GAL3ST2: variants seen among roughly 807,000 people sequenced by gnomAD.
GAL3ST2 encodes the protein galactose-3-O-sulfotransferase 2, also known as beta-galactose-3-O-sulfotransferase 2.
In GAL3ST2, 16 loss-of-function variants were observed where a neutral mutation model predicts 12.9. The ratio of observed to expected loss-of-function variants is 1.24; its 90% confidence interval spans 0.84 to 1.88. The LOEUF (loss-of-function observed/expected upper bound fraction) is 1.88, where lower values mean the gene tolerates loss of function less well. Ranked by LOEUF, GAL3ST2 falls within the 40% of genes most tolerant of loss-of-function variation. The pLI is 0.00. For missense variants in GAL3ST2, 639 were observed against 571.8 expected, an observed-to-expected ratio of 1.12 and a Z score of -1.20; for synonymous variants, 302 against 273.9, an observed-to-expected ratio of 1.10 and a Z score of -1.01.
Position 241,801,892 on chromosome 2 carries a change from C to G in GAL3ST2, c.231C>G (p.Thr77=). The G allele has an allele frequency of 6.2e-7, 1 of 1,613,030 alleles. No homozygotes were observed. Among genetic ancestry groups the G allele is most frequent in the Non-Finnish European group, 8.5e-7 (1 of 1,179,950 alleles). Residue 77 remains threonine, a synonymous_variant, in exon 3 of 4, where the codon ACC becomes ACG. Transcript: ENST00000192314. This position sits in a 1 kb window ranked among gnomAD's most constrained non-coding sequence, Gnocchi z 4.4. ...ACATCCTCTACCGCTTCGCCGAGACCCACAACCTGTCCGTGGCGCTGCCCG... is the reference window on the plus strand; with the variant it reads ...ACATCCTCTACCGCTTCGCCGAGACGCACAACCTGTCCGTGGCGCTGCCCG... ...VLNILYRFAE[T]HNLSVALPAG... is the part of the protein sequence containing the mutation.
Position 241,802,344 on chromosome 2 carries a change from T to C in GAL3ST2, c.375+308T>C, listed in dbSNP as rs1699864146. Among the ~76,000 whole-genome samples, 1 of 152,174 alleles carries C rather than the reference T, an allele frequency of 6.6e-6. No homozygotes were observed. The highest frequency in any genetic ancestry group is 6.5e-5 in the Admixed American group (1 of 15,284). On this transcript the variant is annotated intron_variant, in intron 3 of 3. Coordinates refer to ENST00000192314, the MANE Select transcript of GAL3ST2 (RefSeq NM_022134.3). The surrounding 1 kb of genome is among the most constrained non-coding windows in gnomAD (Gnocchi z 4.8). ...TGCACAGGCCCGGCTCTCCCCACCCTGTGACCTTCGCTTCTGTGGCTGCAG... is the reference window on the plus strand; with the variant it reads ...TGCACAGGCCCGGCTCTCCCCACCCCGTGACCTTCGCTTCTGTGGCTGCAG...
At chr2:241,790,711 G>A (rs1317162178) in intron 1 of GAL3ST2, among the ~76,000 whole-genome samples, 1 of 152,092 alleles carries the variant, frequency 6.6e-6, no homozygotes, top group East Asian at 1.9e-4. Flanking sequence ...GTCTCTTGTG[G>A]GAAAAATCCA....
chr2:241,781,878 A>T (rs1699571718), intron 1 of GAL3ST2, among the ~76,000 whole-genome samples: 1 of 151,482 alleles, frequency 6.6e-6, no homozygotes, highest in South Asian at 2.1e-4. Flanking sequence ...AAAACACTTT[A>T]TATCACAAAA....
chr2:241,784,459 G>A (rs767114506), intron 1 of GAL3ST2, among the ~76,000 whole-genome samples: 30 of 152,160 alleles, frequency 2.0e-4, no homozygotes, highest in Non-Finnish European at 3.2e-4. Context: ...GTAGGAAATT[G>A]CTTGATTAAC....
Position 241,802,154 on chromosome 2 carries a change from A to C in GAL3ST2, c.375+118A>C. 3 of 1,189,858 alleles carry C rather than the reference A, an allele frequency of 2.5e-6. No individual in the cohort carries two copies. The highest frequency in any genetic ancestry group is 3.5e-6 in the Non-Finnish European group (3 of 866,514). 73.7% of individuals were successfully genotyped at this position (1,189,858 alleles called of 1,614,324 possible). A position where few individuals can be genotyped will look rare whatever the true frequency, so the allele number is the denominator to read the frequency against. ...TGTAAGGCTTGGGGGCGGGGCGTGC[A>C]GAAGGCGGGTTGGGAGGGCCTGGGC... On this transcript the variant is annotated intron_variant, in intron 3 of 3. Coordinates refer to ENST00000192314, the MANE Select transcript of GAL3ST2 (RefSeq NM_022134.3). This position sits in a 1 kb window ranked among gnomAD's most constrained non-coding sequence, Gnocchi z 4.8.
intron 1 of GAL3ST2, among the ~76,000 whole-genome samples, chr2:241,783,254 T>A (rs1015985889): frequency 6.6e-6 from 1 of 152,204 alleles, no homozygotes; most frequent in African/African-American, 2.4e-5. Context: ...TTTGTTTTTT[T>A]AAATATAATT....
chr2:241,780,172 T>G (rs1168410878), intron 1 of GAL3ST2, among the ~76,000 whole-genome samples: 1 of 152,100 alleles, frequency 6.6e-6, no homozygotes. Flanking sequence ...TAGTAAAAAT[T>G]GAAAAACATT....
rs1286182446 is a variant in GAL3ST2 at position 241,795,750 on chromosome 2, C to T, written c.30-3315C>T. 6.6e-6 allele frequency among the ~76,000 whole-genome samples: 1 copy of T among 152,264 alleles called. No homozygotes were observed. Among genetic ancestry groups the T allele is most frequent in the African/African-American group, 2.4e-5 (1 of 41,464 alleles). ...GGGTTTGGGAAAACATGTCCTCTCT[C>T]ACGAAGACGTGGGTGTCTCCAGCGG... On this transcript the variant is annotated intron_variant, in intron 1 of 3. Transcript: ENST00000192314. The surrounding 1 kb of genome is among the most constrained non-coding windows in gnomAD (Gnocchi z 4.5).
intron 1 of GAL3ST2, among the ~76,000 whole-genome samples, chr2:241,787,586 G>A (rs1465087718): frequency 6.7e-6 from 1 of 150,010 alleles, no homozygotes; most frequent in Non-Finnish European, 1.5e-5. Context: ...AACAAGGAGG[G>A]CCAGTTCTAC....
chr2:241,804,241 C>T lies in GAL3ST2; in HGVS notation c.*75C>T. 1 of 1,249,900 alleles carries T rather than the reference C, an allele frequency of 8.0e-7. No individual in the cohort carries two copies. Among genetic ancestry groups the T allele is most frequent in the Non-Finnish European group, 1.0e-6 (1 of 954,334 alleles). The allele number at this position is 1,249,900 out of a possible 1,614,324, so 77.4% of individuals were successfully genotyped here. On this transcript the variant is annotated 3_prime_UTR_variant, in exon 4 of 4. Transcript: ENST00000192314. The stretch of plus-strand genomic sequence containing the variant: ...CGCCGTCACCGGGGAGGCCGGGGAT[C>T]CTTGCAGGGCTTCTGGGGCGTTGGG...
chr2:241,785,857 TAC>T (rs142153611), intron 1 of GAL3ST2, among the ~76,000 whole-genome samples: 3,210 of 149,592 alleles, frequency 0.021, 177 homozygotes, highest in Admixed American at 0.11. Context: ...GCCTTTTAAA[TAC>T]ACACACACAC....
intron 2 of GAL3ST2, 81 bp downstream of exon 2, chr2:241,799,235 T>C: frequency 3.2e-6 from 4 of 1,239,958 alleles, no homozygotes; most frequent in Non-Finnish European, 4.7e-6. Flanking sequence ...CCCAGCATGA[T>C]CACGCCCCCC....
chr2:241,780,026 T>C (rs1699547535), intron 1 of GAL3ST2, among the ~76,000 whole-genome samples: 1 of 151,444 alleles, frequency 6.6e-6, no homozygotes, highest in South Asian at 2.1e-4. Context: ...AATAGATTGC[T>C]GTTATTTTCT....
chr2:241,799,208 A>G, intron 2 of GAL3ST2, 54 bp downstream of exon 2: 2 of 1,480,250 alleles, frequency 1.4e-6, no homozygotes, highest in South Asian at 2.3e-5. Flanking sequence ...AACAGCCCCG[A>G]GGACAGAGCC....
intron 1 of GAL3ST2, among the ~76,000 whole-genome samples, chr2:241,792,014 CTT>C (rs765348346): frequency 7.5e-6 from 1 of 133,944 alleles, no homozygotes. Context: ...TTCTTTCTTT[CTT>C]TTTTTTTTTT....
rs938549627 is a variant in GAL3ST2 at position 241,802,323 on chromosome 2, C to T, written c.375+287C>T. Reference sequence around the variant, plus strand: ...GCTTCTCTGGCCTCCTAGTTGTGCACAGGCCCGGCTCTCCCCACCCTGTGA... The same window carrying T: ...GCTTCTCTGGCCTCCTAGTTGTGCATAGGCCCGGCTCTCCCCACCCTGTGA... On this transcript the variant is annotated intron_variant, in intron 3 of 3. Coordinates refer to ENST00000192314, the MANE Select transcript of GAL3ST2 (RefSeq NM_022134.3). This position sits in a 1 kb window ranked among gnomAD's most constrained non-coding sequence, Gnocchi z 4.8. Among the ~76,000 whole-genome samples the T allele has an allele frequency of 1.3e-5, 2 of 152,240 alleles. No homozygotes were observed. The highest frequency in any genetic ancestry group is 3.8e-4 in the East Asian group (2 of 5,202).
At position 241,795,281 on chromosome 2, in the gene GAL3ST2, C is replaced by T. The variant is rs112287751; in HGVS notation, c.30-3784C>T. 2.0e-5 allele frequency among the ~76,000 whole-genome samples: 3 copies of T among 152,140 alleles called. No homozygotes were observed. Among genetic ancestry groups the T allele is most frequent in the South Asian group, 2.1e-4 (1 of 4,826 alleles). On this transcript the variant is annotated intron_variant, in intron 1 of 3. Coordinates refer to ENST00000192314, the MANE Select transcript of GAL3ST2 (RefSeq NM_022134.3). This position sits in a 1 kb window ranked among gnomAD's most constrained non-coding sequence, Gnocchi z 4.5. The stretch of plus-strand genomic sequence containing the variant: ...GGTCTTTTGGCAAAAGGGAAGAGCC[C>T]GCCTTGAGAAGGCTGTAGCATTTCT...
chr2:241,803,658 T>G lies in GAL3ST2; in HGVS notation c.689T>G (p.Leu230Arg). ...CGGCTGGTGCTCATCGCCGAGCACCTGGACGAGTCCCTGGTGCTGCTGCGG... is the reference window on the plus strand; with the variant it reads ...CGGCTGGTGCTCATCGCCGAGCACCGGGACGAGTCCCTGGTGCTGCTGCGG... ...RFRLVLIAEH[L>R]DESLVLLRRR... The change falls in exon 4 of 4, where the codon CTG becomes CGG. Residue 230 changes from leucine to arginine, a missense_variant. Leu to Arg is a moderately radical substitution (Grantham distance 102). Coordinates refer to ENST00000192314, the MANE Select transcript of GAL3ST2 (RefSeq NM_022134.3). 6.5e-7 allele frequency: 1 copy of G among 1,549,640 alleles called. No individual in the cohort carries two copies. Among genetic ancestry groups the G allele is most frequent in the Non-Finnish European group, 8.7e-7 (1 of 1,146,304 alleles).
At chr2:241,797,535 A>C (rs545600974) in intron 1 of GAL3ST2, among the ~76,000 whole-genome samples, 77 of 151,864 alleles carry the variant, frequency 5.1e-4, no homozygotes, top group African/African-American at 1.8e-3. Flanking sequence ...TGTGGGAGTG[A>C]GGACCTGCTG....
Sources: gnomAD v4.1 joint callset for allele counts (sites outside exome capture counted in the v4.1 genomes callset) on GRCh38, gnomAD v4.1.1 for gene constraint, Gnocchi (gnomAD v3.1) non-coding constraint, MANE v1.5 for transcripts, NCBI Gene and HGNC (gene_info 2026-07-23, HGNC 2026-07-21) for gene names.